The following ASXL2 variants were observed in gnomAD, a reference collection of about 807,000 sequenced individuals.
ASXL2 encodes the protein ASXL transcriptional regulator 2.
A neutral mutation model predicts 122.0 loss-of-function variants in ASXL2; 23 were observed. The observed-to-expected ratio is 0.19, with a 90% CI of 0.14 to 0.27. The LOEUF is 0.27. ASXL2 is among the 10% of genes least tolerant of loss of function. The pLI, the probability that ASXL2 is intolerant of heterozygous loss-of-function variation, is 1.00. For synonymous variants in ASXL2, 650 were observed against 637.0 expected (o/e 1.02, Z -0.31); for missense variants, 1,518 against 1,713.8 (o/e 0.89, Z 2.02).
At chr2:25,811,096 A>ACACACG (rs981463342) in intron 3 of ASXL2, among the ~76,000 whole-genome samples, 1 of 150,120 alleles carries the variant, frequency 6.7e-6, no homozygotes, top group Non-Finnish European at 1.5e-5. Flanking sequence ...ACACACACAC[A>ACACACG]CACAAAATCA....
At chr2:25,789,880 C>G (rs2088805329) in intron 5 of ASXL2, among the ~76,000 whole-genome samples, 1 of 152,072 alleles carries the variant, frequency 6.6e-6, no homozygotes, top group African/African-American at 2.4e-5. Flanking sequence ...TGACAGAAAT[C>G]AGGACGGTGG....
intron 5 of ASXL2, among the ~76,000 whole-genome samples, chr2:25,794,315 T>C (rs1051144781): frequency 6.6e-6 from 1 of 152,194 alleles, no homozygotes; most frequent in Non-Finnish European, 1.5e-5. Context: ...CAAAACTTTT[T>C]CTATCAGAAG....
rs371603926 is a variant in ASXL2, at chr2:25,830,390, G to A, written c.143+5148C>T. Among the ~76,000 whole-genome samples the A allele has an allele frequency of 1.1e-4, 17 of 152,336 alleles. No homozygotes were observed. In the East Asian group the frequency reaches 2.3e-3, roughly 21 times the overall value. Reference sequence around the variant, plus strand: ...CTCACGCCTGTAATCCCAGCACTTTGGGAGGCCGAGACAGGTATATCACCT... The same window carrying A: ...CTCACGCCTGTAATCCCAGCACTTTAGGAGGCCGAGACAGGTATATCACCT... On this transcript the variant is annotated intron_variant, in intron 3 of 12. Transcript: ENST00000435504.
chr2:25,773,617 G>GA, intron 5 of ASXL2, among the ~76,000 whole-genome samples: 1 of 147,564 alleles, frequency 6.8e-6, no homozygotes, highest in South Asian at 2.1e-4. Context: ...AGTGAGCCGA[G>GA]ATTACGCCAC....
rs775972387 is a variant in ASXL2 at position 25,744,398 on chromosome 2, T to C, written c.1939A>G (p.Thr647Ala). 5 of 1,613,796 alleles carry C rather than the reference T, an allele frequency of 3.1e-6. No homozygotes were observed. The highest frequency in any genetic ancestry group is 2.2e-5 in the East Asian group (1 of 44,882). Reference sequence around the variant, plus strand: ...CTGGCTCCTGTTCTGTTAGGACTAGTGATGGAGACTGGAAAACGAGCCCTG... The same window carrying C: ...CTGGCTCCTGTTCTGTTAGGACTAGCGATGGAGACTGGAAAACGAGCCCTG... The part of the protein sequence containing the change: ...SPRARFPVSI[T>A]SPNRTGARTL... The change falls in exon 13 of 13, where the codon ACT (threonine) becomes GCT (alanine). Residue 647 changes from threonine to alanine, a missense_variant. Transcript: ENST00000435504. The surrounding 1 kb of genome is among the most constrained non-coding windows in gnomAD (Gnocchi z 4.7).
intron 5 of ASXL2, among the ~76,000 whole-genome samples, chr2:25,796,813 G>A (rs1026408021): frequency 2.0e-5 from 3 of 152,184 alleles, no homozygotes; most frequent in African/African-American, 7.2e-5. Context: ...GTCTGGTGTG[G>A]TAGCCACTAT....
intron 3 of ASXL2, chr2:25,810,272 C>T (rs1208851690): frequency 6.7e-5 from 42 of 630,968 alleles, no homozygotes; most frequent in Non-Finnish European, 9.0e-6. Context: ...TGACCACCAA[C>T]TTACGAGCCA....
intron 1 of ASXL2, among the ~76,000 whole-genome samples, chr2:25,860,088 G>A (rs1232854708): frequency 2.0e-5 from 3 of 150,808 alleles, no homozygotes; most frequent in East Asian, 2.0e-4. Flanking sequence ...TTGGGAGGCC[G>A]AGGCGGCCGG....
chr2:25,839,498 A>C (rs963939479), intron 2 of ASXL2, among the ~76,000 whole-genome samples: 4 of 152,106 alleles, frequency 2.6e-5, no homozygotes, highest in Non-Finnish European at 5.9e-5. Context: ...CTGACTACTA[A>C]GTGTAACAGA....
chr2:25,743,871 T>C lies in ASXL2; in HGVS notation c.2466A>G (p.Gln822=). 6.2e-7 allele frequency: 1 copy of C among 1,613,998 alleles called. No homozygotes were observed. Among genetic ancestry groups the C allele is most frequent in the South Asian group, 1.1e-5 (1 of 91,086 alleles). ...TCTCCTGTCTGCAACTACTGGGCCCTTGTGGATGGCTGACAGAGGCCACTG... is the reference window on the plus strand; with the variant it reads ...TCTCCTGTCTGCAACTACTGGGCCCCTGTGGATGGCTGACAGAGGCCACTG... ...TATVASVSHP[Q]GPSSCRQEKA... The change falls in exon 13 of 13, where the codon CAA becomes CAG. Residue 822 remains glutamine, a synonymous_variant. Coordinates refer to ENST00000435504, the MANE Select transcript of ASXL2 (RefSeq NM_018263.6).
At chr2:25,856,581 C>A in intron 1 of ASXL2, 1 of 1,181,790 alleles carries the variant, frequency 8.5e-7, no homozygotes, top group Non-Finnish European at 1.3e-6. Context: ...GTAGGGGGCG[C>A]CAGTCTTGAT....
At chr2:25,760,175 A>T (rs1404719599) in intron 8 of ASXL2, among the ~76,000 whole-genome samples, 2 of 151,964 alleles carry the variant, frequency 1.3e-5, no homozygotes, top group Non-Finnish European at 2.9e-5. Flanking sequence ...TACACAAAGG[A>T]TTAAAATGTA....
At chr2:25,823,045 C>T (rs756824750) in intron 3 of ASXL2, 89 of 473,406 alleles carry the variant, frequency 1.9e-4, no homozygotes, top group Non-Finnish European at 2.3e-4. Flanking sequence ...GCTCTAAAGG[C>T]AGATGCTGTA....
At chr2:25,865,751 G>A (rs911220726) in intron 1 of ASXL2, among the ~76,000 whole-genome samples, 1 of 135,960 alleles carries the variant, frequency 7.4e-6, no homozygotes, top group African/African-American at 2.9e-5. Flanking sequence ...CTCCAGCCTG[G>A]GTGACAGAGC....
chr2:25,862,102 C>T lies in ASXL2; in HGVS notation c.57+16064G>A, dbSNP rs571471494. ...AAACTTATGTTACACATTCTCCTAA[C>T]TAAATTTTAAATATCAGTATTAATA... On this transcript the variant is annotated intron_variant, in intron 1 of 12. Coordinates refer to ENST00000435504, the MANE Select transcript of ASXL2 (RefSeq NM_018263.6). 3.4e-4 allele frequency among the ~76,000 whole-genome samples: 51 copies of T among 152,206 alleles called. 1 individual carries two copies. In the South Asian group the frequency reaches 9.7e-3, roughly 29 times the overall value.
intron 1 of ASXL2, among the ~76,000 whole-genome samples, chr2:25,865,217 G>C (rs1413819359): frequency 2.0e-5 from 3 of 149,208 alleles, no homozygotes; most frequent in Non-Finnish European, 4.5e-5. Context: ...GCTCACTTGA[G>C]GCCAGGAGTT....
chr2:25,821,200 A>G (rs972732671), intron 3 of ASXL2, among the ~76,000 whole-genome samples: 1 of 151,992 alleles, frequency 6.6e-6, no homozygotes, highest in African/African-American at 2.4e-5. Context: ...AATCAAAAAA[A>G]TAAATAAATA....
At chr2:25,824,687 CT>C (rs1425030565) in intron 3 of ASXL2, among the ~76,000 whole-genome samples, 2 of 152,194 alleles carry the variant, frequency 1.3e-5, no homozygotes, top group Admixed American at 6.5e-5. Flanking sequence ...GTATATTCAA[CT>C]GTAAATGCAG....
chr2:25,742,872 G>A lies in ASXL2; in HGVS notation c.3465C>T (p.Pro1155=). 1 of 1,613,934 alleles carries A rather than the reference G, an allele frequency of 6.2e-7. No homozygotes were observed. Among genetic ancestry groups the A allele is most frequent in the Non-Finnish European group, 8.5e-7 (1 of 1,179,884 alleles). ...NPEDRFCLSS[P]TEALKMGYTD... is the part of the protein sequence containing the mutation. ...TATATCCCATTTTCAAGGCTTCAGT[G>A]GGGCTGCTTAGACAAAAACGATCTT... Residue 1155 remains proline (P), a synonymous_variant, in exon 13 of 13, where the codon CCC becomes CCT. Coordinates refer to ENST00000435504, the MANE Select transcript of ASXL2 (RefSeq NM_018263.6).
Sources: gnomAD v4.1 joint callset for allele counts (sites outside exome capture counted in the v4.1 genomes callset) on GRCh38, gnomAD v4.1.1 for gene constraint, Gnocchi (gnomAD v3.1) non-coding constraint, MANE v1.5 for transcripts, NCBI Gene and HGNC (gene_info 2026-07-23, HGNC 2026-07-21) for gene names.